Variants in PTPRK observed in about 807,000 individuals in gnomAD.
PTPRK encodes the protein protein tyrosine phosphatase receptor type K.
In PTPRK, 75 loss-of-function variants were observed where a neutral mutation model predicts 178.0. The ratio of observed to expected loss-of-function variants is 0.42; its 90% CI spans 0.35 to 0.51. The LOEUF is 0.51. PTPRK is among the 20% of genes least tolerant of loss of function. PTPRK has a pLI of 0.02. For missense variants in PTPRK, 1,441 were observed against 1,797.8 expected (o/e 0.80, Z 3.59); for synonymous variants, 637 against 620.6 (o/e 1.03, Z -0.39).
intron 6 of PTPRK, among the ~76,000 whole-genome samples, chr6:128,210,133 G>A (rs995177466): frequency 1.3e-5 from 2 of 152,098 alleles, no homozygotes; most frequent in Non-Finnish European, 2.9e-5. Flanking sequence ...GAGACAAGTG[G>A]TGGCAGTGAG....
chr6:128,253,994 T>C (rs1022871348), intron 3 of PTPRK, among the ~76,000 whole-genome samples: 2 of 152,174 alleles, frequency 1.3e-5, no homozygotes, highest in East Asian at 1.9e-4. Context: ...AATTCAGATA[T>C]ATTAATAAGT....
At chr6:128,475,465 C>T (rs572856282) in intron 1 of PTPRK, among the ~76,000 whole-genome samples, 1 of 152,120 alleles carries the variant, frequency 6.6e-6, no homozygotes, top group East Asian at 1.9e-4. Context: ...CAGGAGACTA[C>T]TGCCACGGTC....
chr6:128,511,908 A>G (rs1285751397), intron 1 of PTPRK, among the ~76,000 whole-genome samples: 1 of 152,224 alleles, frequency 6.6e-6, no homozygotes, highest in Non-Finnish European at 1.5e-5. Context: ...CACTGATCAC[A>G]GGCCCTAGCA....
chr6:128,464,940 T>C (rs1221599358), intron 1 of PTPRK, among the ~76,000 whole-genome samples: 1 of 151,252 alleles, frequency 6.6e-6, no homozygotes, highest in African/African-American at 2.4e-5. Context: ...AAAGACAATT[T>C]GTTCTCTCTC....
intron 6 of PTPRK, among the ~76,000 whole-genome samples, chr6:128,187,014 G>T (rs1201642580): frequency 6.6e-6 from 1 of 152,064 alleles, no homozygotes; most frequent in Non-Finnish European, 1.5e-5. Context: ...TCTCGCTGGG[G>T]TGCTACCCCA....
intron 6 of PTPRK, among the ~76,000 whole-genome samples, chr6:128,195,291 C>T (rs762421238): frequency 1.8e-4 from 28 of 152,032 alleles, no homozygotes; most frequent in African/African-American, 5.3e-4. Context: ...TAACATACAA[C>T]GTACAAGCAT....
rs749378103 is a variant in PTPRK at position 127,976,936 on chromosome 6, A to G, written c.3830T>C (p.Val1277Ala). Residue 1277 changes from valine to alanine, a missense_variant, in exon 26 of 30, where the codon GTC becomes GCC. Physicochemically the swap from Val to Ala is moderately conservative, Grantham distance 64. Around this residue, in one of 4 missense-constraint regions of PTPRK, gnomAD observed 335 missense variants for 512.4 expected, o/e 0.65. Transcript: ENST00000368226. ...ATAGCCATTAACCTGGGACAAGTCG[A>G]CTTCGTTTAACATCACAATGGAGGT... ...GCTSIVMLNE[V>A]DLSQGCPQYW... 1 of 1,614,136 alleles carries G rather than the reference A, an allele frequency of 6.2e-7. No homozygotes were observed. The highest frequency in any genetic ancestry group is 1.1e-5 in the South Asian group (1 of 91,084).
At chr6:127,976,025 A>G (rs922767964) in intron 27 of PTPRK, among the ~76,000 whole-genome samples, 2 of 152,028 alleles carry the variant, frequency 1.3e-5, no homozygotes, top group Non-Finnish European at 2.9e-5. Flanking sequence ...TTTGTCATGT[A>G]GTGGAAAGCA....
chr6:128,397,710 G>A (rs753461315), intron 1 of PTPRK, 22 bp from the exon 2 acceptor site: 12 of 1,609,916 alleles, frequency 7.5e-6, no homozygotes, highest in Non-Finnish European at 7.6e-6. Flanking sequence ...GAAGACTACT[G>A]TTACATTCTA....
intron 3 of PTPRK, among the ~76,000 whole-genome samples, chr6:128,294,728 G>C (rs1199114577): frequency 1.3e-5 from 2 of 152,046 alleles, no homozygotes; most frequent in Non-Finnish European, 2.9e-5. Flanking sequence ...CATTGGCTAA[G>C]AAGCCAATTT....
chr6:128,514,510 C>G (rs9388638), intron 1 of PTPRK, among the ~76,000 whole-genome samples: 5,888 of 152,202 alleles, frequency 0.039, 378 homozygotes, highest in African/African-American at 0.13. Flanking sequence ...CTGAATTCCC[C>G]TTATTAAAAC....
At chr6:128,221,066 C>T (rs1810311098) in intron 5 of PTPRK, among the ~76,000 whole-genome samples, 1 of 152,198 alleles carries the variant, frequency 6.6e-6, no homozygotes, top group Admixed American at 6.5e-5. Flanking sequence ...TTAAAAATTC[C>T]TTAAGGATAA....
At chr6:128,271,544 GAAGCAGCT>G (rs1322353887) in intron 3 of PTPRK, among the ~76,000 whole-genome samples, 2 of 152,138 alleles carry the variant, frequency 1.3e-5, no homozygotes, top group Non-Finnish European at 2.9e-5. Flanking sequence ...TTTTCTGGCA[GAAGCAGCT>G]ATTAAGTACT....
chr6:128,501,599 C>T (rs1395530815), intron 1 of PTPRK, among the ~76,000 whole-genome samples: 2 of 152,186 alleles, frequency 1.3e-5, no homozygotes, highest in Admixed American at 1.3e-4. Context: ...CTACATTAAT[C>T]TTACATGACA....
At chr6:128,493,590 C>CCACACACA (rs1854201153) in intron 1 of PTPRK, among the ~76,000 whole-genome samples, 1 of 59,676 alleles carries the variant, frequency 1.7e-5, no homozygotes, top group African/African-American at 8.0e-5. Flanking sequence ...CTCCCGCCCC[C>CCACACACA]TACACACACA....
chr6:128,123,088 T>C (rs1792741946), intron 7 of PTPRK, among the ~76,000 whole-genome samples: 1 of 152,148 alleles, frequency 6.6e-6, no homozygotes, highest in South Asian at 2.1e-4. Context: ...CAATGATGAA[T>C]ATCCTTTTAA....
intron 1 of PTPRK, among the ~76,000 whole-genome samples, chr6:128,418,809 GTC>G (rs780541276): frequency 7.2e-4 from 110 of 152,328 alleles, no homozygotes; most frequent in Admixed American, 9.8e-4. Flanking sequence ...TGCTTAGGGT[GTC>G]TCTGACATTA....
intron 1 of PTPRK, among the ~76,000 whole-genome samples, chr6:128,427,887 T>C (rs184259894): frequency 6.6e-6 from 1 of 152,042 alleles, no homozygotes; most frequent in African/African-American, 2.4e-5. Flanking sequence ...GGTCAGGAGA[T>C]CGAGAGCATC....
At chr6:128,195,286 T>C (rs1804672011) in intron 6 of PTPRK, among the ~76,000 whole-genome samples, 2 of 152,014 alleles carry the variant, frequency 1.3e-5, no homozygotes, top group Non-Finnish European at 2.9e-5. Context: ...CTTTGTAACA[T>C]ACAACGTACA....
Sources: allele counts gnomAD v4.1 joint callset (sites outside exome capture counted in the v4.1 genomes callset), GRCh38; gene constraint gnomAD v4.1.1; regional missense constraint gnomAD v4.1.1; transcripts MANE v1.5; gene names NCBI Gene and HGNC (gene_info 2026-07-23, HGNC 2026-07-21).